The following MARCHF1 variants were observed in gnomAD, a reference collection of about 807,000 sequenced individuals.
MARCHF1 encodes E3 ubiquitin-protein ligase MARCHF1.
A neutral mutation model predicts 54.2 loss-of-function variants in MARCHF1; 40 were observed. That is an observed-to-expected ratio of 0.74 (90% CI 0.57 to 0.96). The LOEUF (loss-of-function observed/expected upper bound fraction) is 0.96, where lower values mean the gene tolerates loss of function less well. MARCHF1 is among the 40% of genes least tolerant of loss of function. The pLI is 0.00. For missense variants in MARCHF1, 586 were observed against 656.5 expected (o/e 0.89, Z 1.17); for synonymous variants, 236 against 236.3 (o/e 1.00, Z 0.01).
chr4:163,884,659 C>T (rs1750490377), intron 3 of MARCHF1, among the ~76,000 whole-genome samples: 1 of 152,176 alleles, frequency 6.6e-6, no homozygotes, highest in South Asian at 2.1e-4. Flanking sequence ...GAGCTGCTTA[C>T]TTTCAAATAT....
Position 164,026,707 on chromosome 4 carries a change from A to G in MARCHF1, c.-247-37998T>C, listed in dbSNP as rs141570212. Among the ~76,000 whole-genome samples, 184 of 152,254 alleles carry G rather than the reference A, an allele frequency of 1.2e-3. 1 individual carries two copies. Among genetic ancestry groups the G allele is most frequent in the African/African-American group, 3.8e-3 (159 of 41,562 alleles). Reference sequence around the variant, plus strand: ...AAGGATGCCCAGTCTCACAACTCCTATTCAACATAGTACTGGAAGTCCTAG... The same window carrying G: ...AAGGATGCCCAGTCTCACAACTCCTGTTCAACATAGTACTGGAAGTCCTAG... On this transcript the variant is annotated intron_variant, in intron 2 of 9. Coordinates refer to ENST00000514618, the MANE Select transcript of MARCHF1 (RefSeq NM_001394959.1).
At chr4:163,888,425 G>A (rs2111262130) in intron 3 of MARCHF1, among the ~76,000 whole-genome samples, 1 of 152,260 alleles carries the variant, frequency 6.6e-6, no homozygotes, top group East Asian at 1.9e-4. Flanking sequence ...TCACTACTTT[G>A]AAGAAAATAT....
At chr4:163,744,258 G>T (rs1463981600) in intron 4 of MARCHF1, among the ~76,000 whole-genome samples, 1 of 151,956 alleles carries the variant, frequency 6.6e-6, no homozygotes, top group Non-Finnish European at 1.5e-5. Flanking sequence ...TTTTTTTTTA[G>T]GGGAAAGCCT....
At chr4:164,161,994 T>C (rs1019981881) in intron 1 of MARCHF1, among the ~76,000 whole-genome samples, 4 of 152,088 alleles carry the variant, frequency 2.6e-5, no homozygotes, top group African/African-American at 9.7e-5. Context: ...CTCCAAGGCA[T>C]ATAATCTCAC....
At chr4:163,711,675 CCT>C (rs1745109131) in intron 4 of MARCHF1, among the ~76,000 whole-genome samples, 1 of 152,140 alleles carries the variant, frequency 6.6e-6, no homozygotes, top group Non-Finnish European at 1.5e-5. Flanking sequence ...TGCAAAAATG[CCT>C]CTCTTTCTCT....
chr4:164,370,503 C>T (rs920407320), intron 1 of MARCHF1, among the ~76,000 whole-genome samples: 5 of 152,208 alleles, frequency 3.3e-5, no homozygotes, highest in Admixed American at 1.3e-4. Flanking sequence ...TTAGCCACAC[C>T]TAACTAGAAG....
chr4:163,593,297 A>C (rs1257852433), intron 7 of MARCHF1, among the ~76,000 whole-genome samples: 1 of 152,158 alleles, frequency 6.6e-6, no homozygotes, highest in Admixed American at 6.6e-5. Context: ...ATTAAACTAG[A>C]GATATTTCTA....
chr4:164,104,012 T>A (rs1487191441), intron 2 of MARCHF1, among the ~76,000 whole-genome samples: 1 of 151,334 alleles, frequency 6.6e-6, no homozygotes, highest in South Asian at 2.1e-4. Flanking sequence ...CTAGAAAATC[T>A]AGAAGAAATG....
At chr4:164,028,531 T>C (rs1052642543) in intron 2 of MARCHF1, among the ~76,000 whole-genome samples, 3 of 151,862 alleles carry the variant, frequency 2.0e-5, no homozygotes, top group Admixed American at 2.0e-4. Flanking sequence ...TGGTTACACA[T>C]GGAAATAAAG....
chr4:164,216,258 A>C (rs1731927059), intron 1 of MARCHF1, among the ~76,000 whole-genome samples: 1 of 152,252 alleles, frequency 6.6e-6, no homozygotes, highest in Admixed American at 6.5e-5. Flanking sequence ...AAGTGCTGGC[A>C]GTTGATTCAT....
chr4:163,840,691 C>G (rs1387410342), intron 4 of MARCHF1, among the ~76,000 whole-genome samples: 1 of 152,020 alleles, frequency 6.6e-6, no homozygotes, highest in African/African-American at 2.4e-5. Context: ...ATTCAGTAAT[C>G]TAATGTAAGC....
At chr4:164,240,613 A>T (rs1380158685) in intron 1 of MARCHF1, among the ~76,000 whole-genome samples, 10 of 152,094 alleles carry the variant, frequency 6.6e-5, no homozygotes, top group Non-Finnish European at 1.5e-5. Flanking sequence ...GGTCCCACCA[A>T]CTGAAACTGC....
intron 1 of MARCHF1, among the ~76,000 whole-genome samples, chr4:164,345,614 T>TAAA (rs1554003088): frequency 9.8e-4 from 130 of 133,326 alleles, no homozygotes; most frequent in African/African-American, 3.2e-3. Flanking sequence ...ATAATAATAA[T>TAAA]AAATTTAAAA....
At chr4:164,161,312 G>T (rs974465787) in intron 1 of MARCHF1, among the ~76,000 whole-genome samples, 4 of 152,080 alleles carry the variant, frequency 2.6e-5, no homozygotes, top group Non-Finnish European at 5.9e-5. Flanking sequence ...CTTCTGCCAT[G>T]ATTGTAAGTT....
intron 5 of MARCHF1, among the ~76,000 whole-genome samples, chr4:163,690,830 C>T (rs1024840709): frequency 1.3e-5 from 2 of 152,146 alleles, no homozygotes; most frequent in African/African-American, 4.8e-5. Flanking sequence ...CTCAAAGTGC[C>T]AGGCATCAAT....
chr4:164,164,880 A>G (rs901016424), intron 1 of MARCHF1, among the ~76,000 whole-genome samples: 24 of 152,080 alleles, frequency 1.6e-4, no homozygotes, highest in Admixed American at 6.6e-5. Flanking sequence ...CAATGGGCCA[A>G]GTAAGACCCT....
intron 1 of MARCHF1, among the ~76,000 whole-genome samples, chr4:164,346,230 C>T (rs1410116522): frequency 6.6e-6 from 1 of 152,044 alleles, no homozygotes; most frequent in Non-Finnish European, 1.5e-5. Flanking sequence ...GAAAATGAGT[C>T]TCTTAGGAGT....
intron 5 of MARCHF1, among the ~76,000 whole-genome samples, chr4:163,654,010 A>T: frequency 6.6e-6 from 1 of 151,812 alleles, no homozygotes; most frequent in East Asian, 1.9e-4. Context: ...TCAGAAAGGT[A>T]AAGATAAATC....
intron 8 of MARCHF1, among the ~76,000 whole-genome samples, chr4:163,581,597 G>C (rs1228859158): frequency 6.6e-6 from 1 of 152,112 alleles, no homozygotes; most frequent in African/African-American, 2.4e-5. Context: ...ACCAGCACTT[G>C]GCTCTTTTGA....
Sources: allele counts gnomAD v4.1 joint callset (sites outside exome capture counted in the v4.1 genomes callset), GRCh38; gene constraint gnomAD v4.1.1; transcripts MANE v1.5; gene names NCBI Gene and HGNC (gene_info 2026-07-23, HGNC 2026-07-21).